Variants in PRDM16 observed in about 807,000 individuals in gnomAD.
PRDM16 encodes the protein histone-lysine N-methyltransferase PRDM16.
Under a neutral mutation model 110.6 loss-of-function variants are expected in PRDM16, and 23 were observed. The ratio of observed to expected loss-of-function variants is 0.21; its 90% CI spans 0.15 to 0.29. The LOEUF is 0.29. Ranked by LOEUF, PRDM16 falls within the 10% of genes least tolerant of loss-of-function variation. The pLI, the probability that PRDM16 is intolerant of heterozygous loss-of-function variation, is 1.00. For synonymous variants in PRDM16, 799 were observed against 781.8 expected (o/e 1.02, Z -0.37); for missense variants, 1,615 against 1,794.3 (o/e 0.90, Z 1.81).
rs569660699 is a variant in PRDM16 at position 3,350,041 on chromosome 1, G to A, written c.439-35111G>A. On this transcript the variant is annotated intron_variant, in intron 3 of 16. Transcript: ENST00000270722. This position sits in a 1 kb window ranked among gnomAD's most constrained non-coding sequence, Gnocchi z 7.1. ...TGTCTTTGAGGGGGGAAGAGGACAG[G>A]GCAGAAAAGACCTGGGGCCAGGTGC... is the stretch of plus-strand genomic sequence containing the variant. Among the ~76,000 whole-genome samples the A allele has an allele frequency of 2.0e-5, 3 of 152,342 alleles. No individual in the cohort carries two copies. Among genetic ancestry groups the A allele is most frequent in the Admixed American group, 6.5e-5 (1 of 15,306 alleles).
At chr1:3,189,648 T>C (rs1408898778) in intron 2 of PRDM16, among the ~76,000 whole-genome samples, 1 of 152,238 alleles carries the variant, frequency 6.6e-6, no homozygotes, top group African/African-American at 2.4e-5. Flanking sequence ...GATATTTTAG[T>C]AAAGATAACA....
At chr1:3,099,474 A>G (rs1418821428) in intron 1 of PRDM16, among the ~76,000 whole-genome samples, 1 of 152,200 alleles carries the variant, frequency 6.6e-6, no homozygotes, top group Non-Finnish European at 1.5e-5. Context: ...GTAAATGACT[A>G]GCTGAGCATT....
At position 3,400,416 on chromosome 1, in the gene PRDM16, C is replaced by T. The variant is rs530089071; in HGVS notation, c.677-2375C>T. Among the ~76,000 whole-genome samples the T allele has an allele frequency of 2.0e-4, 31 of 152,294 alleles. No individual in the cohort carries two copies. The South Asian group carries it at 6.2e-3, about 31-fold the overall frequency. ...GGGCTCTCTCTGAAGAATTTGCAGG[C>T]TTGAATCACATTTCAAGGTGGCATT... is the stretch of plus-strand genomic sequence containing the variant. On this transcript the variant is annotated intron_variant, in intron 5 of 16. Transcript: ENST00000270722.
intron 3 of PRDM16, among the ~76,000 whole-genome samples, chr1:3,376,022 C>T (rs1170493165): frequency 6.6e-6 from 1 of 152,130 alleles, no homozygotes; most frequent in Non-Finnish European, 1.5e-5. Flanking sequence ...TCCACGGCAT[C>T]TGGGGTCCAG....
chr1:3,194,336 C>T (rs943770989), intron 2 of PRDM16, among the ~76,000 whole-genome samples: 1 of 152,210 alleles, frequency 6.6e-6, no homozygotes, highest in East Asian at 1.9e-4. Flanking sequence ...CCCCTTTCAC[C>T]CTGGAGCTGA....
At chr1:3,136,654 T>C (rs765789782) in intron 1 of PRDM16, among the ~76,000 whole-genome samples, 9 of 152,178 alleles carry the variant, frequency 5.9e-5, no homozygotes, top group Non-Finnish European at 1.0e-4. Context: ...TTCTGGCTGC[T>C]GGGTGTGGAC....
intron 3 of PRDM16, among the ~76,000 whole-genome samples, chr1:3,321,562 ATG>A (rs953250353): frequency 2.0e-5 from 3 of 147,566 alleles, no homozygotes; most frequent in African/African-American, 7.6e-5. Context: ...GTGAGTGCAA[ATG>A]TGTGTGAGAG....
intron 1 of PRDM16, among the ~76,000 whole-genome samples, chr1:3,079,988 C>A (rs569652701): frequency 6.6e-6 from 1 of 152,362 alleles, no homozygotes; most frequent in Non-Finnish European, 1.5e-5. Context: ...GTAGCGCGTG[C>A]CCACCCGGCC....
At chr1:3,334,008 C>T (rs1238555357) in intron 3 of PRDM16, among the ~76,000 whole-genome samples, 1 of 152,204 alleles carries the variant, frequency 6.6e-6, no homozygotes, top group African/African-American at 2.4e-5. Context: ...TTTACCCAGC[C>T]TCAGGTGTTT....
At position 3,203,585 on chromosome 1, in the gene PRDM16, G is replaced by T. The variant is rs886719388; in HGVS notation, c.387+17111G>T. ...GGGGTCCGTGCGTTTCTCTCCCCGG[G>T]GGGGCCAGGGTGTGGTGCAGATCTT... On this transcript the variant is annotated intron_variant, in intron 2 of 16. Coordinates refer to ENST00000270722, the MANE Select transcript of PRDM16 (RefSeq NM_022114.4). Among the ~76,000 whole-genome samples the T allele has an allele frequency of 1.5e-4, 23 of 152,230 alleles. 1 individual carries two copies. Among genetic ancestry groups the T allele is most frequent in the Admixed American group, 1.2e-3 (18 of 15,286 alleles).
At position 3,282,227 on chromosome 1, in the gene PRDM16, G is replaced by A. The variant is rs572741626; in HGVS notation, c.438+38090G>A. On this transcript the variant is annotated intron_variant, in intron 3 of 16. Transcript: ENST00000270722. ...GTGCTCAGGGAGGCCATGCTTCAGT[G>A]TGCAGACGTTTCCCCAGAGAGGTCA... Among the ~76,000 whole-genome samples, 5 of 152,364 alleles carry A rather than the reference G, an allele frequency of 3.3e-5. No homozygotes were observed. In the South Asian group the frequency reaches 1.0e-3, roughly 32 times the overall value.
chr1:3,205,741 T>C (rs1321841030), intron 2 of PRDM16, among the ~76,000 whole-genome samples: 1 of 152,112 alleles, frequency 6.6e-6, no homozygotes, highest in Admixed American at 6.5e-5. Context: ...GGTTGGGGGC[T>C]GGGCAGTCCA....
At chr1:3,072,761 G>T (rs2100534171) in intron 1 of PRDM16, among the ~76,000 whole-genome samples, 2 of 152,372 alleles carry the variant, frequency 1.3e-5, no homozygotes, top group East Asian at 3.9e-4. Context: ...CGTCCGGCGG[G>T]AATCCAGCGT....
At chr1:3,257,020 GTTT>G (rs1346500385) in intron 3 of PRDM16, among the ~76,000 whole-genome samples, 1 of 152,192 alleles carries the variant, frequency 6.6e-6, no homozygotes, top group Admixed American at 6.5e-5. Flanking sequence ...ATAATGGATG[GTTT>G]TTTTAAATGA....
rs1557613135 is a variant in PRDM16, at chr1:3,329,058, C to G, written c.439-56094C>G. Among the ~76,000 whole-genome samples, 3 of 152,116 alleles carry G rather than the reference C, an allele frequency of 2.0e-5. No homozygotes were observed. The East Asian group carries it at 5.8e-4, about 29-fold the overall frequency. On this transcript the variant is annotated intron_variant, in intron 3 of 16. Coordinates refer to ENST00000270722, the MANE Select transcript of PRDM16 (RefSeq NM_022114.4). ...GAATGGGCGCCTTCTCCCTGGGCCC[C>G]TCCTAGGAAACTTGTGGCCCCTGGA...
Position 3,411,937 on chromosome 1 carries a change from G to A in PRDM16, c.1740G>A (p.Glu580=). 2 of 1,613,698 alleles carry A rather than the reference G, an allele frequency of 1.2e-6. No homozygotes were observed. Among genetic ancestry groups the A allele is most frequent in the South Asian group, 2.2e-5 (2 of 91,070 alleles). ...CTGCGGGGCCCGAGGAGAAGTTCGA[G>A]AGCCGCCTGGAGGACTCCTGTGTGG... is the stretch of plus-strand genomic sequence containing the variant. ...TAAAGPEEKF[E]SRLEDSCVEK... Residue 580 remains glutamate, a synonymous_variant, in exon 9 of 17, where the codon GAG becomes GAA. Coordinates refer to ENST00000270722, the MANE Select transcript of PRDM16 (RefSeq NM_022114.4).
chr1:3,343,457 G>A (rs1285863700), intron 3 of PRDM16, among the ~76,000 whole-genome samples: 2 of 150,360 alleles, frequency 1.3e-5, no homozygotes, highest in African/African-American at 4.9e-5. Flanking sequence ...TCTTTTGATT[G>A]GTGAATGCTT....
intron 4 of PRDM16, 43 bp downstream of exon 4, chr1:3,385,329 G>A (rs778586908): frequency 1.2e-6 from 2 of 1,603,944 alleles, no homozygotes; most frequent in Non-Finnish European, 1.7e-6. Flanking sequence ...TCTTGGAATT[G>A]TCCCTGAGGA....
intron 1 of PRDM16, among the ~76,000 whole-genome samples, chr1:3,122,088 C>T (rs970909447): frequency 2.0e-5 from 3 of 152,180 alleles, no homozygotes; most frequent in Admixed American, 6.5e-5. Flanking sequence ...TTCCTGCGCA[C>T]GGTGTCTGTG....
Sources: allele counts gnomAD v4.1 joint callset (sites outside exome capture counted in the v4.1 genomes callset), GRCh38; gene constraint gnomAD v4.1.1; non-coding constraint Gnocchi (gnomAD v3.1); transcripts MANE v1.5; gene names NCBI Gene and HGNC (gene_info 2026-07-23, HGNC 2026-07-21).